Variants in EEA1 observed in about 807,000 individuals in gnomAD.
EEA1 encodes early endosome antigen 1.
A neutral mutation model predicts 209.2 loss-of-function variants in EEA1; 111 were observed. That is an observed-to-expected ratio of 0.53 (90% CI 0.45 to 0.62). EEA1 has a LOEUF of 0.62. Among genes scored for constraint, EEA1 ranks in the 20% least tolerant of loss-of-function variants. The pLI is 0.00. For synonymous variants in EEA1, 536 were observed against 540.6 expected (o/e 0.99, Z 0.12); for missense variants, 1,343 against 1,530.8 (o/e 0.88, Z 2.05).
chr12:92,848,163 A>G (rs1877458518), intron 9 of EEA1, among the ~76,000 whole-genome samples: 1 of 151,844 alleles, frequency 6.6e-6, no homozygotes, highest in Non-Finnish European at 1.5e-5. Context: ...TTTTATGAAA[A>G]TTTAAATGAA....
intron 2 of EEA1, among the ~76,000 whole-genome samples, chr12:92,887,300 CAG>C (rs1284636430): frequency 2.0e-5 from 3 of 151,824 alleles, no homozygotes; most frequent in Non-Finnish European, 4.4e-5. Flanking sequence ...AGCCTGCAAC[CAG>C]AGTCACAGAT....
chr12:92,861,833 G>A (rs114107166), intron 3 of EEA1, among the ~76,000 whole-genome samples: 3,233 of 151,916 alleles, frequency 0.021, 124 homozygotes, highest in African/African-American at 0.075. Context: ...GGAAGAATAC[G>A]TAAGAAATTG....
At chr12:92,869,381 T>C (rs1277332375) in intron 2 of EEA1, among the ~76,000 whole-genome samples, 3 of 152,084 alleles carry the variant, frequency 2.0e-5, no homozygotes, top group African/African-American at 7.2e-5. Context: ...TCATATCCAC[T>C]GCAACTAAGA....
At chr12:92,928,748 A>G (rs1184238993) in intron 1 of EEA1, among the ~76,000 whole-genome samples, 1 of 151,912 alleles carries the variant, frequency 6.6e-6, no homozygotes, top group Non-Finnish European at 1.5e-5. Flanking sequence ...CCCGGGAGGA[A>G]CGCGCCGGCA....
intron 10 of EEA1, among the ~76,000 whole-genome samples, chr12:92,840,409 T>C (rs372787983): frequency 3.8e-4 from 58 of 152,320 alleles, no homozygotes; most frequent in African/African-American, 1.3e-3. Context: ...GCCTCCCATG[T>C]TCAAGTGATT....
chr12:92,798,157 G>C (rs1287665649), intron 21 of EEA1, among the ~76,000 whole-genome samples: 1 of 152,096 alleles, frequency 6.6e-6, no homozygotes, highest in Non-Finnish European at 1.5e-5. Context: ...AACCATTACA[G>C]TGTAACTTAA....
chr12:92,850,003 T>C (rs910137231), intron 9 of EEA1, among the ~76,000 whole-genome samples: 2 of 152,216 alleles, frequency 1.3e-5, no homozygotes, highest in African/African-American at 4.8e-5. Context: ...TTATGTATTA[T>C]ACATCTTAGA....
chr12:92,779,039 T>C, intron 25 of EEA1, 76 bp downstream of exon 25: 1 of 1,286,474 alleles, frequency 7.8e-7, no homozygotes, highest in Non-Finnish European at 1.1e-6. Flanking sequence ...TCAGATCTTA[T>C]AAGTAGAACA....
intron 9 of EEA1, among the ~76,000 whole-genome samples, chr12:92,850,812 A>T (rs1877595485): frequency 1.3e-5 from 2 of 151,952 alleles, no homozygotes; most frequent in African/African-American, 4.8e-5. Flanking sequence ...CTTCCTTTAA[A>T]GTCAATTACC....
chr12:92,827,218 G>A (rs1209411987), intron 12 of EEA1, among the ~76,000 whole-genome samples: 2 of 152,062 alleles, frequency 1.3e-5, no homozygotes, highest in Non-Finnish European at 2.9e-5. Context: ...TTAGCTGGGC[G>A]TAGTGGCGCA....
In EEA1 at chr12:92,775,911, A is replaced by T; in HGVS notation, c.*100T>A. The T allele has an allele frequency of 2.3e-6, 3 of 1,287,928 alleles. No individual in the cohort carries two copies. The highest frequency in any genetic ancestry group is 3.1e-6 in the Non-Finnish European group (3 of 957,822). The allele number at this position is 1,287,928 out of a possible 1,614,324, so 79.8% of individuals were successfully genotyped here. On this transcript the variant is annotated 3_prime_UTR_variant, in exon 29 of 29. Coordinates refer to ENST00000322349, the MANE Select transcript of EEA1 (RefSeq NM_003566.4). ...TAATTCCTATTTGGTCTAGTATTGC[A>T]ACCAGTGTCCAAACCAAATAGTAGT...
rs1873604525 is a variant in EEA1 at position 92,775,214 on chromosome 12, A to C, written c.*797T>G. 1 of 151,728 alleles carries C rather than the reference A, an allele frequency of 6.6e-6. No homozygotes were observed. The highest frequency in any genetic ancestry group is 1.5e-5 in the Non-Finnish European group (1 of 67,704). 9.4% of individuals were successfully genotyped at this position (151,728 alleles called of 1,614,324 possible). On this transcript the variant is annotated 3_prime_UTR_variant, in exon 29 of 29. Transcript: ENST00000322349. ...CCTCCAACTGACAGCGAGGGTAAGA[A>C]GCTTTCTAAGATTCTAAATGGACAA...
At chr12:92,884,648 G>C (rs1338674012) in intron 2 of EEA1, 1 of 1,255,532 alleles carries the variant, frequency 8.0e-7, no homozygotes, top group South Asian at 1.2e-5. Context: ...ATGAAACCAA[G>C]GTGGCTATGG....
chr12:92,923,614 C>A (rs1173289268), intron 1 of EEA1, among the ~76,000 whole-genome samples: 1 of 152,128 alleles, frequency 6.6e-6, no homozygotes, highest in Non-Finnish European at 1.5e-5. Context: ...CTACCACACC[C>A]CCTCTCCACC....
At chr12:92,798,799 A>G (rs1447661877) in intron 21 of EEA1, 93 bp downstream of exon 21, 2 of 962,132 alleles carry the variant, frequency 2.1e-6, no homozygotes, top group Admixed American at 2.9e-5. Flanking sequence ...AAACTTTTCA[A>G]TGTTGCAACT....
At chr12:92,912,530 G>A (rs1420382178) in intron 1 of EEA1, among the ~76,000 whole-genome samples, 1 of 152,132 alleles carries the variant, frequency 6.6e-6, no homozygotes, top group African/African-American at 2.4e-5. Flanking sequence ...TATGACTGAA[G>A]GTACCTTAGA....
chr12:92,883,860 C>G lies in EEA1; in HGVS notation c.117+7769G>C, dbSNP rs1190513693. ...TGAGCTTTAAAACAACCGATGAGAGCCTGAGGAGCCATTTTGAGCAATGGG... is the reference window on the plus strand; with the variant it reads ...TGAGCTTTAAAACAACCGATGAGAGGCTGAGGAGCCATTTTGAGCAATGGG... On this transcript the variant is annotated intron_variant, in intron 2 of 28. Coordinates refer to ENST00000322349, the MANE Select transcript of EEA1 (RefSeq NM_003566.4). 180 of 1,602,314 alleles carry G rather than the reference C, an allele frequency of 1.1e-4. 2 individuals carry two copies. In the South Asian group the frequency reaches 1.6e-3, roughly 14 times the overall value.
intron 22 of EEA1, among the ~76,000 whole-genome samples, chr12:92,787,579 A>G (rs990553948): frequency 1.3e-5 from 2 of 152,090 alleles, no homozygotes; most frequent in Admixed American, 6.6e-5. Flanking sequence ...ACAGCAGCCT[A>G]TCTTTAAAGT....
intron 27 of EEA1, 101 bp downstream of exon 27, chr12:92,777,442 G>T: frequency 7.8e-7 from 1 of 1,278,674 alleles, no homozygotes; most frequent in Non-Finnish European, 1.1e-6. Flanking sequence ...CTATTTGAAA[G>T]TATTTATAAA....
Sources: gnomAD v4.1 joint callset for allele counts (sites outside exome capture counted in the v4.1 genomes callset) on GRCh38, gnomAD v4.1.1 for gene constraint, MANE v1.5 for transcripts, NCBI Gene and HGNC (gene_info 2026-07-23, HGNC 2026-07-21) for gene names.